Variants in SLC2A3 observed in about 807,000 individuals in gnomAD.
SLC2A3 encodes the protein solute carrier family 2, facilitated glucose transporter member 3.
In SLC2A3, 21 loss-of-function variants were observed where a neutral mutation model predicts 46.4. The ratio of observed to expected loss-of-function variants is 0.45; its 90% CI spans 0.32 to 0.65. SLC2A3 has a LOEUF of 0.65. SLC2A3 is among the 30% of genes least tolerant of loss of function. The pLI, the probability that SLC2A3 is intolerant of heterozygous loss-of-function variation, is 0.04. For missense variants in SLC2A3, 499 were observed against 623.3 expected, an observed-to-expected ratio of 0.80 and a Z score of 2.12; for synonymous variants, 213 against 239.4, an observed-to-expected ratio of 0.89 and a Z score of 1.02.
At chr12:7,923,490 C>T (rs1946060863) in intron 8 of SLC2A3, among the ~76,000 whole-genome samples, 1 of 152,088 alleles carries the variant, frequency 6.6e-6, no homozygotes. Flanking sequence ...TGGCACGTGC[C>T]TATAATCCCA....
rs367823813 is a variant in SLC2A3, at chr12:7,929,997, T to C, written c.674-126A>G. 66 of 1,488,594 alleles carry C rather than the reference T, an allele frequency of 4.4e-5. No homozygotes were observed. The South Asian group carries it at 7.7e-4, about 17-fold the overall frequency. 92.2% of individuals were successfully genotyped at this position (1,488,594 alleles called of 1,614,324 possible). A position where few individuals can be genotyped will look rare whatever the true frequency, so the allele number is the denominator to read the frequency against. On this transcript the variant is annotated intron_variant, in intron 5 of 9. Transcript: ENST00000075120. ...ATGGGTAGCATCCATTCCTTTTTTT[T>C]TTTTTGAGACAGAGTTTCACTTTTG... is the stretch of plus-strand genomic sequence containing the variant.
At chr12:7,935,609 T>G (rs767543652) in intron 1 of SLC2A3, among the ~76,000 whole-genome samples, 56 of 152,284 alleles carry the variant, frequency 3.7e-4, no homozygotes, top group African/African-American at 1.3e-3. Context: ...GACAAACAGA[T>G]GGCCAGACCC....
chr12:7,931,355 A>G lies in SLC2A3; in HGVS notation c.400T>C (p.Cys134Arg). ...ATGTACATGGGCACAAAACCTGTGC[A>G]GAGTCCGCAGAAGAGGCCAATAACC... Reference protein sequence around the residue: ...RLVIGLFCGLCTGFVPMYIGE... With the variant: ...RLVIGLFCGLRTGFVPMYIGE... Residue 134 changes from cysteine (C) to arginine (R), a missense_variant, in exon 4 of 10, where the codon TGC becomes CGC. By Grantham distance (180) the Cys-to-Arg change is radical. Coordinates refer to ENST00000075120, the MANE Select transcript of SLC2A3 (RefSeq NM_006931.3). The G allele has an allele frequency of 2.5e-6, 4 of 1,614,170 alleles. No individual in the cohort carries two copies. Among genetic ancestry groups the G allele is most frequent in the Non-Finnish European group, 3.4e-6 (4 of 1,180,014 alleles).
Position 7,931,168 on chromosome 12 carries a change from T to C in SLC2A3, c.510+77A>G. ...TAATTGAACATGTGCCAGATATTCT[T>C]CAGTGCTTTACCTATGTTAACTTTT... On this transcript the variant is annotated intron_variant, in intron 4 of 9. Transcript: ENST00000075120. 4 of 1,577,376 alleles carry C rather than the reference T, an allele frequency of 2.5e-6. 1 individual carries two copies. The highest frequency in any genetic ancestry group is 3.5e-6 in the Non-Finnish European group (4 of 1,159,126).
Position 7,920,900 on chromosome 12 carries a change from T to TA in SLC2A3, c.*512dup, listed in dbSNP as rs1028783890. The TA allele has an allele frequency of 2.8e-3, 25 of 9,030 alleles. No homozygotes were observed. The highest frequency in any genetic ancestry group is 0.016 in the South Asian group (5 of 312). 0.6% of individuals were successfully genotyped at this position (9,030 alleles called of 1,614,324 possible). On this transcript the variant is annotated 3_prime_UTR_variant, in exon 10 of 10. Coordinates refer to ENST00000075120, the MANE Select transcript of SLC2A3 (RefSeq NM_006931.3). ...GCACATGTATCCTGAAACTTAAAGT[T>TA]AAAAAAAAAAAATTATGTAATTAAA...
intron 6 of SLC2A3, among the ~76,000 whole-genome samples, chr12:7,927,481 C>T (rs1946107514): frequency 6.6e-6 from 1 of 152,104 alleles, no homozygotes; most frequent in African/African-American, 2.4e-5. Flanking sequence ...TACATCATCT[C>T]ACCTAAATAG....
chr12:7,920,773 C>CT lies in SLC2A3; in HGVS notation c.*639dup, dbSNP rs1463686715. ...CTCTCTTTAAACACCTCCCTCTAATCTCAATTTCCTTCTGTTTTTATTATT... is the reference window on the plus strand; with the variant it reads ...CTCTCTTTAAACACCTCCCTCTAATCTTCAATTTCCTTCTGTTTTTATTATT... On this transcript the variant is annotated 3_prime_UTR_variant, in exon 10 of 10. Coordinates refer to ENST00000075120, the MANE Select transcript of SLC2A3 (RefSeq NM_006931.3). 1 of 155,278 alleles carries CT rather than the reference C, an allele frequency of 6.4e-6. No individual in the cohort carries two copies. Among genetic ancestry groups the CT allele is most frequent in the African/African-American group, 2.4e-5 (1 of 41,428 alleles). The allele number at this position is 155,278 out of a possible 1,614,324, so 9.6% of individuals were successfully genotyped here. A position where few individuals can be genotyped will look rare whatever the true frequency, so the allele number is the denominator to read the frequency against.
In SLC2A3 at chr12:7,932,975, T is replaced by C. The variant is rs778831289; in HGVS notation, c.269+12A>G. On this transcript the variant is annotated intron_variant, in intron 3 of 9. Transcript: ENST00000075120. ...GTAGAGCCCACTTCCTTGCCCAGTT[T>C]CTAGTCAATACCTGCCAAAGCGGTT... 6.2e-7 allele frequency: 1 copy of C among 1,613,786 alleles called. No homozygotes were observed. The highest frequency in any genetic ancestry group is 1.1e-5 in the South Asian group (1 of 91,070).
chr12:7,924,062 C>A (rs1220899039), intron 8 of SLC2A3, among the ~76,000 whole-genome samples: 3 of 152,104 alleles, frequency 2.0e-5, no homozygotes, highest in Admixed American at 1.3e-4. Context: ...GCCACCGCGC[C>A]CAGCTGAGGA....
rs1353470498 is a variant in SLC2A3 at position 7,919,501 on chromosome 12, A to T, written c.*1912T>A. 2.6e-5 allele frequency: 4 copies of T among 151,782 alleles called. No homozygotes were observed. Among genetic ancestry groups the T allele is most frequent in the African/African-American group, 9.7e-5 (4 of 41,294 alleles). 9.4% of individuals were successfully genotyped at this position (151,782 alleles called of 1,614,324 possible). On this transcript the variant is annotated 3_prime_UTR_variant, in exon 10 of 10. Coordinates refer to ENST00000075120, the MANE Select transcript of SLC2A3 (RefSeq NM_006931.3). ...CAATGATGCGATCTCCGCTCACTGC[A>T]ACCCCTGCGTCCCGGGTTCACATGA...
At chr12:7,924,363 C>T in intron 8 of SLC2A3, 47 bp downstream of exon 8, 1 of 1,604,100 alleles carries the variant, frequency 6.2e-7, no homozygotes. Context: ...TCAACTGTAA[C>T]CTCTCTTCTT....
chr12:7,936,101 A>G lies in SLC2A3; in HGVS notation c.-67T>C. The G allele has an allele frequency of 7.3e-7, 1 of 1,368,914 alleles. No homozygotes were observed. The highest frequency in any genetic ancestry group is 2.3e-5 in the East Asian group (1 of 43,774). 84.8% of individuals were successfully genotyped at this position (1,368,914 alleles called of 1,614,324 possible). A position where few individuals can be genotyped will look rare whatever the true frequency, so the allele number is the denominator to read the frequency against. The stretch of plus-strand genomic sequence containing the variant: ...GATTCCAGAAACAGCTTTTTCAGCC[A>G]ACAAAACCTTCAAAATGTCCTTCTC... On this transcript the variant is annotated 5_prime_UTR_variant, in exon 1 of 10. Transcript: ENST00000075120.
Position 7,931,302 on chromosome 12 carries a change from C to G in SLC2A3, c.453G>C (p.Arg151=), listed in dbSNP as rs747077175. The G allele has an allele frequency of 1.2e-6, 2 of 1,614,130 alleles. No individual in the cohort carries two copies. Among genetic ancestry groups the G allele is most frequent in the Non-Finnish European group, 8.5e-7 (1 of 1,180,008 alleles). Residue 151 remains arginine (R), a synonymous_variant, in exon 4 of 10, where the codon CGG becomes CGC. Coordinates refer to ENST00000075120, the MANE Select transcript of SLC2A3 (RefSeq NM_006931.3). The part of the protein sequence containing the change: ...YIGEISPTAL[R]GAFGTLNQLG... ...GCTGGTTGAGAGTGCCAAAGGCACC[C>G]CGCAGGGCAGTAGGCGAGATCTCTC...
intron 5 of SLC2A3, chr12:7,930,278 G>A (rs1946138441): frequency 1.2e-5 from 7 of 592,968 alleles, no homozygotes; most frequent in Non-Finnish European, 2.0e-5. Flanking sequence ...ATCACACCCT[G>A]CCTGATAGCA....
At chr12:7,922,311 C>T (rs1033222974) in intron 9 of SLC2A3, among the ~76,000 whole-genome samples, 7 of 152,058 alleles carry the variant, frequency 4.6e-5, no homozygotes, top group African/African-American at 7.2e-5. Flanking sequence ...GTTATCCACC[C>T]GCCTAGGCCT....
Position 7,921,565 on chromosome 12 carries a change from A to C in SLC2A3, c.1339T>G (p.Phe447Val). ...GFLITFLAFT[F>V]FKVPETRGRT... The stretch of plus-strand genomic sequence containing the variant: ...CCACGGGTCTCAGGGACTTTGAAGA[A>C]GGTAAAAGCCAAGAAGGTAATGAGG... The change falls in exon 10 of 10, where the codon TTC (phenylalanine) becomes GTC (valine). Residue 447 changes from phenylalanine to valine, a missense_variant. Phe to Val is a conservative substitution (Grantham distance 50). Around this residue, in one of 5 missense-constraint regions of SLC2A3, gnomAD observed 179 missense variants for 205.1 expected, o/e 0.87. Coordinates refer to ENST00000075120, the MANE Select transcript of SLC2A3 (RefSeq NM_006931.3). 2 of 1,613,970 alleles carry C rather than the reference A, an allele frequency of 1.2e-6. No homozygotes were observed. The highest frequency in any genetic ancestry group is 2.2e-5 in the South Asian group (2 of 91,072).
chr12:7,925,654 C>T (rs77541276), intron 7 of SLC2A3, 190 bp downstream of exon 7: 3 of 566,654 alleles, frequency 5.3e-6, no homozygotes, highest in Non-Finnish European at 9.5e-6. Flanking sequence ...ATACTCCCTC[C>T]TTTCCCATCC....
chr12:7,931,818 C>A (rs1353914314), intron 3 of SLC2A3, among the ~76,000 whole-genome samples: 1 of 151,338 alleles, frequency 6.6e-6, no homozygotes, highest in African/African-American at 2.4e-5. Context: ...TCAAGTAAAA[C>A]AGGTTGCTTT....
intron 9 of SLC2A3, 68 bp downstream of exon 9, chr12:7,922,753 G>C: frequency 1.3e-6 from 2 of 1,599,210 alleles, no homozygotes; most frequent in Non-Finnish European, 1.7e-6. Flanking sequence ...CCAGACTACT[G>C]TATTATTAAG....
Sources: gnomAD v4.1 joint callset for allele counts (sites outside exome capture counted in the v4.1 genomes callset) on GRCh38, gnomAD v4.1.1 for gene constraint, gnomAD v4.1.1 regional missense constraint, MANE v1.5 for transcripts, NCBI Gene and HGNC (gene_info 2026-07-23, HGNC 2026-07-21) for gene names.